DPP6: variants seen among roughly 807,000 people sequenced by gnomAD.
DPP6 encodes the protein A-type potassium channel modulatory protein DPP6.
Under a neutral mutation model 122.6 loss-of-function variants are expected in DPP6, and 69 were observed. That is an observed-to-expected ratio of 0.56 (90% CI 0.46 to 0.69). The LOEUF (loss-of-function observed/expected upper bound fraction) is 0.69, where lower values mean the gene tolerates loss of function less well. Among genes scored for constraint, DPP6 ranks in the 30% least tolerant of loss-of-function variants. DPP6 has a pLI of 0.00. For missense variants in DPP6, 928 were observed against 1,116.9 expected, an observed-to-expected ratio of 0.83 and a Z score of 2.41; for synonymous variants, 418 against 433.1, an observed-to-expected ratio of 0.97 and a Z score of 0.43.
intron 5 of DPP6, among the ~76,000 whole-genome samples, chr7:154,569,718 G>T: frequency 6.7e-6 from 1 of 149,634 alleles, no homozygotes; most frequent in African/African-American, 2.5e-5. Flanking sequence ...GGTATATTGG[G>T]TTACCACTGC....
intron 1 of DPP6, among the ~76,000 whole-genome samples, chr7:153,917,646 T>A (rs923550737): frequency 6.6e-6 from 1 of 152,216 alleles, no homozygotes; most frequent in Admixed American, 6.5e-5. Context: ...TGAAGGACCT[T>A]CTTTAAAAAC....
At chr7:154,550,132 T>C (rs1829522791) in intron 4 of DPP6, among the ~76,000 whole-genome samples, 1 of 152,212 alleles carries the variant, frequency 6.6e-6, no homozygotes, top group Non-Finnish European at 1.5e-5. Context: ...TTACCTAATT[T>C]ATTTATTTTT....
In DPP6 at chr7:154,892,457, A is replaced by C; in HGVS notation, c.2575A>C (p.Lys859Gln). Residue 859 changes from lysine to glutamine, a missense_variant, in exon 26 of 26, where the codon AAA (lysine) becomes CAA (glutamine). Coordinates refer to ENST00000377770, the MANE Select transcript of DPP6 (RefSeq NM_130797.4). ...GGACAAACTGCTGACAGTCACAGCG[A>C]AAGAGGACGAGGAGGAGGACTAAGC... The part of the protein sequence containing the change: ...IQDKLLTVTA[K>Q]EDEEED The C allele has an allele frequency of 1.2e-6, 2 of 1,614,046 alleles. No individual in the cohort carries two copies. Among genetic ancestry groups the C allele is most frequent in the Non-Finnish European group, 1.7e-6 (2 of 1,179,906 alleles).
the DPP6 span, among the ~76,000 whole-genome samples, chr7:153,878,491 C>T: frequency 3.9e-5 from 6 of 152,104 alleles, no homozygotes; most frequent in Admixed American, 1.3e-4. Flanking sequence ...ACAATATCTC[C>T]GAGTCTCCCA....
chr7:154,156,695 C>G (rs1032066774), intron 1 of DPP6, among the ~76,000 whole-genome samples: 1 of 152,188 alleles, frequency 6.6e-6, no homozygotes. Context: ...TACCTCTTAA[C>G]AAGTTGACCA....
At chr7:154,143,321 A>G (rs1795935499) in intron 1 of DPP6, among the ~76,000 whole-genome samples, 1 of 152,162 alleles carries the variant, frequency 6.6e-6, no homozygotes, top group Admixed American at 6.5e-5. Context: ...AAGGAGGTGA[A>G]TTGCAGTAAA....
chr7:154,313,714 T>TATATATATGCATACACACACACAC (rs1177234778), intron 1 of DPP6, among the ~76,000 whole-genome samples: 6 of 17,784 alleles, frequency 3.4e-4, no homozygotes, highest in Non-Finnish European at 7.2e-4. Context: ...TATATATATA[T>TATATATATGCATACACACACACAC]ACACACACAC....
At chr7:154,194,352 TA>T (rs1412784824) in intron 1 of DPP6, among the ~76,000 whole-genome samples, 1 of 152,222 alleles carries the variant, frequency 6.6e-6, no homozygotes, top group Non-Finnish European at 1.5e-5. Flanking sequence ...ATCAGATGCA[TA>T]TTTTTTTCTC....
rs1801595124 is a variant in DPP6 at position 154,241,248 on chromosome 7, CTT to C, written c.243+188188_243+188189del. ...ATATATATAGAGAGAGAGAGAGACA[CTT>C]TTATCCATTTAGGAAGACAAACATA... On this transcript the variant is annotated intron_variant, in intron 1 of 25. Transcript: ENST00000377770. This position sits in a 1 kb window ranked among gnomAD's most constrained non-coding sequence, Gnocchi z 9.0. Among the ~76,000 whole-genome samples, 1 of 148,572 alleles carries C rather than the reference CTT, an allele frequency of 6.7e-6. No individual in the cohort carries two copies. Among genetic ancestry groups the C allele is most frequent in the Non-Finnish European group, 1.5e-5 (1 of 67,290 alleles).
intron 1 of DPP6, among the ~76,000 whole-genome samples, chr7:154,084,814 C>G (rs1036052353): frequency 6.7e-6 from 1 of 148,828 alleles, no homozygotes; most frequent in Non-Finnish European, 1.5e-5. Context: ...ATGGTGAAAC[C>G]CCATCTCTAC....
chr7:154,521,143 C>T (rs766602020), intron 3 of DPP6, among the ~76,000 whole-genome samples: 3 of 152,160 alleles, frequency 2.0e-5, no homozygotes, highest in Non-Finnish European at 4.4e-5. Flanking sequence ...TGTGTATATG[C>T]GAAGTCCTTT....
At chr7:154,700,404 G>A (rs554721796) in intron 7 of DPP6, among the ~76,000 whole-genome samples, 1 of 152,352 alleles carries the variant, frequency 6.6e-6, no homozygotes, top group African/African-American at 2.4e-5. Context: ...TCACAGAGCA[G>A]TGGGCCAGTA....
At chr7:154,298,284 A>G (rs1805675309) in intron 1 of DPP6, among the ~76,000 whole-genome samples, 1 of 151,932 alleles carries the variant, frequency 6.6e-6, no homozygotes, top group Non-Finnish European at 1.5e-5. Context: ...ACACACATAC[A>G]CACACTATTG....
At chr7:154,382,081 T>G (rs1448527692) in intron 1 of DPP6, among the ~76,000 whole-genome samples, 1 of 150,886 alleles carries the variant, frequency 6.6e-6, no homozygotes, top group African/African-American at 2.4e-5. Context: ...TCCTTTTTTT[T>G]TTTTTTTCAA....
intron 1 of DPP6, among the ~76,000 whole-genome samples, chr7:154,259,599 A>G (rs1018481921): frequency 3.3e-5 from 5 of 152,198 alleles, no homozygotes; most frequent in African/African-American, 1.2e-4. Context: ...TTTGAGCAGA[A>G]GCTGGGCTGG....
intron 5 of DPP6, among the ~76,000 whole-genome samples, chr7:154,575,330 GT>G (rs1831515561): frequency 2.3e-5 from 3 of 132,962 alleles, no homozygotes; most frequent in Admixed American, 7.7e-5. Flanking sequence ...GTGTATGTGT[GT>G]GTGGTGTGTG....
intron 1 of DPP6, among the ~76,000 whole-genome samples, chr7:154,315,344 T>C (rs904452834): frequency 6.6e-6 from 1 of 152,206 alleles, no homozygotes; most frequent in African/African-American, 2.4e-5. Flanking sequence ...CTGGAAATTT[T>C]ATTTGCTCAC....
intron 5 of DPP6, among the ~76,000 whole-genome samples, chr7:154,636,207 C>T (rs1364350763): frequency 6.6e-6 from 1 of 152,166 alleles, no homozygotes; most frequent in Non-Finnish European, 1.5e-5. Context: ...TATAATATAC[C>T]ATATACCATA....
chr7:154,258,480 G>A (rs1042818227), intron 1 of DPP6, among the ~76,000 whole-genome samples: 1 of 152,162 alleles, frequency 6.6e-6, no homozygotes, highest in Admixed American at 6.5e-5. Flanking sequence ...GGAGGCTGAC[G>A]TTGTTATAGG....
Sources: gnomAD v4.1 joint callset for allele counts (sites outside exome capture counted in the v4.1 genomes callset) on GRCh38, gnomAD v4.1.1 for gene constraint, Gnocchi (gnomAD v3.1) non-coding constraint, MANE v1.5 for transcripts, NCBI Gene and HGNC (gene_info 2026-07-23, HGNC 2026-07-21) for gene names.